Variants in PLBD1 observed in about 807,000 individuals in gnomAD.
PLBD1 encodes phospholipase B domain containing 1, also known as lysosomal leucine aminopeptidase.
In PLBD1, 60 loss-of-function variants were observed where a neutral mutation model predicts 63.0. The ratio of observed to expected loss-of-function variants is 0.95; its 90% confidence interval spans 0.77 to 1.18. PLBD1 has a LOEUF of 1.18. Among genes scored for constraint, PLBD1 ranks in the 50% most tolerant of loss-of-function variants. The probability of loss-of-function intolerance (pLI) is 0.00; values close to 1 mark genes in which losing one functional copy is unlikely to be tolerated. For synonymous variants in PLBD1, 262 were observed against 248.0 expected (o/e 1.06, Z -0.53); for missense variants, 598 against 677.9 (o/e 0.88, Z 1.31).
chr12:14,566,265 G>C (rs1010301203), intron 1 of PLBD1, among the ~76,000 whole-genome samples: 2 of 152,166 alleles, frequency 1.3e-5, no homozygotes, highest in African/African-American at 4.8e-5. Flanking sequence ...CGAGTCAGGA[G>C]CCTGTGGGTA....
At position 14,503,857 on chromosome 12, in the gene PLBD1, T is replaced by C; in HGVS notation, c.1577A>G (p.Asn526Ser). The C allele has an allele frequency of 6.2e-7, 1 of 1,613,994 alleles. No individual in the cohort carries two copies. The highest frequency in any genetic ancestry group is 8.5e-7 in the Non-Finnish European group (1 of 1,179,868). The change falls in exon 11 of 11, where the codon AAC becomes AGC. Residue 526 changes from asparagine to serine, a missense_variant. Asn to Ser is a conservative substitution (Grantham distance 46). Transcript: ENST00000240617. ...GLPVFRWDRFNKTLHQGMPEV... is the reference protein window; with the variant it reads ...GLPVFRWDRFSKTLHQGMPEV... ...TGGCATGCCCTGATGTAGAGTTTTGTTGAAACGGTCCCAGCGAAAAACAGG... is the reference window on the plus strand; with the variant it reads ...TGGCATGCCCTGATGTAGAGTTTTGCTGAAACGGTCCCAGCGAAAAACAGG...
intron 2 of PLBD1, among the ~76,000 whole-genome samples, chr12:14,545,243 C>T (rs1012171923): frequency 6.6e-6 from 1 of 152,264 alleles, no homozygotes; most frequent in African/African-American, 2.4e-5. Context: ...ACTTACATCA[C>T]CAACACTATT....
intron 10 of PLBD1, 117 bp from the exon 11 acceptor site, chr12:14,504,071 C>T (rs549746658): frequency 2.0e-4 from 196 of 969,086 alleles, no homozygotes; most frequent in Middle Eastern, 3.2e-4. Context: ...TTTTTTGAGT[C>T]GGAGTTTCGC....
chr12:14,540,015 TATATATATATATATATATA>T (rs1565577503), intron 4 of PLBD1, among the ~76,000 whole-genome samples: 1 of 10,882 alleles, frequency 9.2e-5, no homozygotes, highest in African/African-American at 1.1e-4. Flanking sequence ...GCTATGCACA[TATATATATATATATATATA>T]TATATATATA....
chr12:14,508,110 C>T (rs1444287620), intron 8 of PLBD1, among the ~76,000 whole-genome samples: 1 of 152,174 alleles, frequency 6.6e-6, no homozygotes, highest in African/African-American at 2.4e-5. Context: ...ATCAGAAGAA[C>T]TGAGATATGG....
chr12:14,559,258 C>T lies in PLBD1; in HGVS notation c.116-5846G>A, dbSNP rs748378772. On this transcript the variant is annotated intron_variant, in intron 1 of 10. Transcript: ENST00000240617. ...TCTGCTTAACACTCTATAAACCTGA[C>T]AAAATAATGTTTCTTTGATGAATCT... Among the ~76,000 whole-genome samples, 14 of 152,154 alleles carry T rather than the reference C, an allele frequency of 9.2e-5. No individual in the cohort carries two copies. In the East Asian group the frequency reaches 2.7e-3, roughly 29 times the overall value.
At chr12:14,533,370 G>C (rs1249712429) in intron 6 of PLBD1, 1 of 152,222 alleles carries the variant, frequency 6.6e-6, no homozygotes, top group Non-Finnish European at 1.5e-5. Context: ...AAAACTGTCT[G>C]TTGCTCTCTT....
rs1945553303 is a variant in PLBD1, at chr12:14,539,989, A to G, written c.558+775T>C. Among the ~76,000 whole-genome samples, 3 of 136,962 alleles carry G rather than the reference A, an allele frequency of 2.2e-5. No individual in the cohort carries two copies. The South Asian group carries it at 6.7e-4, about 31-fold the overall frequency. The allele number at this position is 136,962 out of a possible 152,430, so 89.9% of individuals were successfully genotyped here. On this transcript the variant is annotated intron_variant, in intron 4 of 10. Transcript: ENST00000240617. ...ATACAAATACTGGACAAAATAGACA[A>G]AAAGTTCAAAGAAAAGCTATGCACA...
chr12:14,512,143 A>G (rs545259845), intron 6 of PLBD1, among the ~76,000 whole-genome samples: 4 of 133,976 alleles, frequency 3.0e-5, no homozygotes, highest in East Asian at 2.1e-4. Flanking sequence ...CAAATTTTGT[A>G]TAAGTCTACT....
intron 6 of PLBD1, among the ~76,000 whole-genome samples, chr12:14,528,529 T>C (rs1326452851): frequency 6.6e-6 from 1 of 152,118 alleles, no homozygotes; most frequent in East Asian, 1.9e-4. Flanking sequence ...TTAGAAAATA[T>C]TCTAAATGGA....
intron 6 of PLBD1, among the ~76,000 whole-genome samples, chr12:14,516,908 A>G (rs1401648182): frequency 6.6e-6 from 1 of 152,028 alleles, no homozygotes; most frequent in Non-Finnish European, 1.5e-5. Flanking sequence ...GCATGGTGGC[A>G]TACGCCTGTG....
chr12:14,503,761 A>G lies in PLBD1; in HGVS notation c.*11T>C, dbSNP rs776434713. The G allele has an allele frequency of 1.2e-6, 2 of 1,608,138 alleles. No homozygotes were observed. The highest frequency in any genetic ancestry group is 1.7e-6 in the Non-Finnish European group (2 of 1,174,900). ...CTTATTTACAGTCTTCTAGTCCGTCATCTCCCTCCTTCATTTTATATCAAG... is the reference window on the plus strand; with the variant it reads ...CTTATTTACAGTCTTCTAGTCCGTCGTCTCCCTCCTTCATTTTATATCAAG... On this transcript the variant is annotated 3_prime_UTR_variant, in exon 11 of 11. Transcript: ENST00000240617.
In PLBD1 at chr12:14,567,857, C is replaced by T; in HGVS notation, c.-161G>A. On this transcript the variant is annotated 5_prime_UTR_variant, in exon 1 of 11. Coordinates refer to ENST00000240617, the MANE Select transcript of PLBD1 (RefSeq NM_024829.6). ...TCTTGAGCCCGGCCTGCTCCGGGCTCTGAGGGGCGAGGACGCTTCACGTGG... is the reference window on the plus strand; with the variant it reads ...TCTTGAGCCCGGCCTGCTCCGGGCTTTGAGGGGCGAGGACGCTTCACGTGG... 9.6e-7 allele frequency: 1 copy of T among 1,045,860 alleles called. No individual in the cohort carries two copies. Among genetic ancestry groups the T allele is most frequent in the Non-Finnish European group, 1.3e-6 (1 of 788,492 alleles). The allele number at this position is 1,045,860 out of a possible 1,614,324, so 64.8% of individuals were successfully genotyped here.
intron 1 of PLBD1, among the ~76,000 whole-genome samples, chr12:14,565,818 C>G (rs890031873): frequency 6.6e-6 from 1 of 152,166 alleles, no homozygotes; most frequent in Non-Finnish European, 1.5e-5. Context: ...GTCCTTAACA[C>G]CTAGGTAAGT....
chr12:14,525,217 G>A (rs1347625803), intron 6 of PLBD1, among the ~76,000 whole-genome samples: 6 of 151,996 alleles, frequency 3.9e-5, no homozygotes, highest in Admixed American at 3.3e-4. Context: ...AACTGAGATC[G>A]CATCACTGAA....
At position 14,567,623 on chromosome 12, in the gene PLBD1, AGC is replaced by A; in HGVS notation, c.72_73del (p.Leu25AlafsTer26). 1.6e-5 allele frequency: 3 copies of A among 182,514 alleles called. No homozygotes were observed. Among genetic ancestry groups the A allele is most frequent in the Non-Finnish European group, 2.0e-5 (3 of 147,442 alleles). 11.3% of individuals were successfully genotyped at this position (182,514 alleles called of 1,614,324 possible). ...CTCCGCGGTGACTAACAACAGCGGCAGCAGCAGCAGCAGCAGCAGAAGCGGTG... is the reference window on the plus strand; with the variant it reads ...CTCCGCGGTGACTAACAACAGCGGCAAGCAGCAGCAGCAGCAGAAGCGGTG... On this transcript the variant is annotated frameshift_variant, in exon 1 of 11. Transcript: ENST00000240617. LOFTEE classifies it high-confidence loss of function.
chr12:14,516,909 T>G (rs1945341599), intron 6 of PLBD1, among the ~76,000 whole-genome samples: 1 of 151,938 alleles, frequency 6.6e-6, no homozygotes, highest in Non-Finnish European at 1.5e-5. Flanking sequence ...CATGGTGGCA[T>G]ACGCCTGTGG....
intron 6 of PLBD1, among the ~76,000 whole-genome samples, chr12:14,519,775 G>A (rs921016186): frequency 1.3e-4 from 20 of 152,270 alleles, no homozygotes; most frequent in South Asian, 8.3e-4. Context: ...TTCTAGAACT[G>A]TGAGAATAAT....
intron 6 of PLBD1, among the ~76,000 whole-genome samples, chr12:14,517,999 G>C (rs957474346): frequency 2.6e-5 from 4 of 152,096 alleles, no homozygotes; most frequent in Admixed American, 6.5e-5. Context: ...TGGCCAACAT[G>C]GTGAAACCGC....
Sources: allele counts gnomAD v4.1 joint callset (sites outside exome capture counted in the v4.1 genomes callset), GRCh38; gene constraint gnomAD v4.1.1; transcripts MANE v1.5; gene names NCBI Gene and HGNC (gene_info 2026-07-23, HGNC 2026-07-21).